CYRIB: variants seen among roughly 807,000 people sequenced by gnomAD.
CYRIB encodes CYFIP related Rac1 interactor B, also known as CYFIP-related Rac1 interactor B.
In CYRIB, 8 loss-of-function variants were observed where a neutral mutation model predicts 44.2. The ratio of observed to expected loss-of-function variants is 0.18; its 90% CI spans 0.11 to 0.33. The LOEUF is 0.33. Ranked by LOEUF, CYRIB falls within the 10% of genes least tolerant of loss-of-function variation. CYRIB has a pLI of 1.00. For synonymous variants in CYRIB, 131 were observed against 127.2 expected (o/e 1.03, Z -0.20); for missense variants, 185 against 382.8 (o/e 0.48, Z 4.31).
intron 1 of CYRIB, among the ~76,000 whole-genome samples, chr8:129,976,309 A>G (rs1436618354): frequency 6.6e-6 from 1 of 152,186 alleles, no homozygotes; most frequent in Non-Finnish European, 1.5e-5. Flanking sequence ...TTCCCCCAGT[A>G]CAGTGGCTTA....
intron 2 of CYRIB, among the ~76,000 whole-genome samples, chr8:129,954,501 G>A (rs2094683181): frequency 6.8e-6 from 1 of 147,066 alleles, no homozygotes; most frequent in Admixed American, 7.1e-5. Flanking sequence ...GGGATTACGT[G>A]CTTGAGCCAC....
At chr8:129,896,919 T>G (rs2068365277) in intron 2 of CYRIB, 1 of 152,242 alleles carries the variant, frequency 6.6e-6, no homozygotes, top group African/African-American at 2.4e-5. Flanking sequence ...CCTAGTCACC[T>G]CACTATGACT....
At chr8:129,956,258 C>T (rs751958575) in intron 2 of CYRIB, among the ~76,000 whole-genome samples, 1 of 152,028 alleles carries the variant, frequency 6.6e-6, no homozygotes, top group African/African-American at 2.4e-5. Context: ...TCCATTATCC[C>T]CACCCCTTCT....
At chr8:129,887,694 G>C (rs1344134082) in intron 2 of CYRIB, among the ~76,000 whole-genome samples, 1 of 152,236 alleles carries the variant, frequency 6.6e-6, no homozygotes, top group Non-Finnish European at 1.5e-5. Context: ...CCTTACATCA[G>C]TGTGGCCTGG....
chr8:129,879,643 A>G (rs1216442697), intron 2 of CYRIB, 172 bp from the exon 5 acceptor site: 1 of 579,236 alleles, frequency 1.7e-6, no homozygotes, highest in Admixed American at 3.4e-5. Flanking sequence ...CAAGGTGTTG[A>G]TATGTAGGAC....
chr8:129,964,436 C>T (rs144513604), intron 2 of CYRIB, among the ~76,000 whole-genome samples: 12 of 152,132 alleles, frequency 7.9e-5, no homozygotes, highest in African/African-American at 1.2e-4. Context: ...TCAGGAGAGA[C>T]GAAGTTAAGA....
intron 1 of CYRIB, among the ~76,000 whole-genome samples, chr8:129,926,018 A>C (rs1351342945): frequency 1.3e-5 from 2 of 152,232 alleles, no homozygotes; most frequent in South Asian, 2.1e-4. Context: ...ACATATTAGA[A>C]GTCACGATCC....
intron 1 of CYRIB, among the ~76,000 whole-genome samples, chr8:129,910,986 G>A (rs1039122240): frequency 6.6e-6 from 1 of 152,124 alleles, no homozygotes. Flanking sequence ...TAACTACTGA[G>A]GCCAGCTATT....
At chr8:129,923,582 C>T (rs1426068657) in intron 1 of CYRIB, among the ~76,000 whole-genome samples, 1 of 151,946 alleles carries the variant, frequency 6.6e-6, no homozygotes, top group African/African-American at 2.4e-5. Context: ...GCCAAGTCAA[C>T]CTTTAGTCTC....
At chr8:129,865,710 T>G (rs1055120530) in intron 4 of CYRIB, among the ~76,000 whole-genome samples, 1 of 152,344 alleles carries the variant, frequency 6.6e-6, no homozygotes, top group East Asian at 1.9e-4. Context: ...CATAGCTCTA[T>G]AGAAATCAAT....
intron 4 of CYRIB, among the ~76,000 whole-genome samples, chr8:129,863,713 T>C (rs757279000): frequency 1.1e-3 from 167 of 152,172 alleles, no homozygotes; most frequent in Non-Finnish European, 1.6e-3. Flanking sequence ...ACTTCTTCTA[T>C]ACCCAGTCTT....
At chr8:129,924,142 T>C (rs1276399102) in intron 1 of CYRIB, among the ~76,000 whole-genome samples, 1 of 147,584 alleles carries the variant, frequency 6.8e-6, no homozygotes, top group African/African-American at 2.5e-5. Flanking sequence ...CCAGGTGTGG[T>C]TGTACATGTC....
intron 2 of CYRIB, among the ~76,000 whole-genome samples, chr8:129,959,188 GTC>G (rs1053367094): frequency 1.3e-5 from 2 of 151,558 alleles, no homozygotes; most frequent in African/African-American, 4.9e-5. Context: ...ATCTTTTTAG[GTC>G]TCTATTAACA....
At chr8:129,887,685 C>G (rs2063342546) in intron 2 of CYRIB, among the ~76,000 whole-genome samples, 1 of 152,238 alleles carries the variant, frequency 6.6e-6, no homozygotes, top group Admixed American at 6.5e-5. Context: ...GAGCCCACCC[C>G]TTACATCAGT....
intron 1 of CYRIB, among the ~76,000 whole-genome samples, chr8:129,996,279 C>G (rs2096762913): frequency 6.6e-6 from 1 of 152,152 alleles, no homozygotes; most frequent in Non-Finnish European, 1.5e-5. Context: ...CCACCTCACA[C>G]CCCACAGGCC....
chr8:129,933,898 A>C (rs1366444688), intron 1 of CYRIB, among the ~76,000 whole-genome samples: 2 of 89,304 alleles, frequency 2.2e-5, no homozygotes, highest in African/African-American at 8.1e-5. Flanking sequence ...AAAAAAAAAA[A>C]GAAGAAGAAG....
intron 3 of CYRIB, among the ~76,000 whole-genome samples, chr8:129,872,820 T>C (rs2057815861): frequency 6.6e-6 from 1 of 152,172 alleles, no homozygotes; most frequent in South Asian, 2.1e-4. Context: ...ACCAATCATA[T>C]AAAATTAGTT....
chr8:129,991,971 A>AAAAAAAAGAGAGAGAG (rs994697259), intron 1 of CYRIB, among the ~76,000 whole-genome samples: 1 of 134,604 alleles, frequency 7.4e-6, no homozygotes, highest in Non-Finnish European at 1.6e-5. Flanking sequence ...AAAAAAAAAA[A>AAAAAAAAGAGAGAGAG]ACAATAGGAA....
chr8:129,917,728 G>A lies in CYRIB; in HGVS notation c.-49-14378C>T, dbSNP rs143705763. 9.0e-3 allele frequency among the ~76,000 whole-genome samples: 1,369 copies of A among 152,048 alleles called. 18 individuals carry two copies. Among genetic ancestry groups the A allele is most frequent in the African/African-American group, 0.031 (1,302 of 41,470 alleles). On this transcript the variant is annotated intron_variant, in intron 1 of 11. Transcript: ENST00000519824. ...AAAAATTCGCCGGGCATGGTGGCGC[G>A]TGCCTGTAACCCCAGCTACTCAGGA...
Sources: gnomAD v4.1 joint callset for allele counts (sites outside exome capture counted in the v4.1 genomes callset) on GRCh38, gnomAD v4.1.1 for gene constraint, MANE v1.5 for transcripts, NCBI Gene and HGNC (gene_info 2026-07-23, HGNC 2026-07-21) for gene names.